CCDC39: variants seen among roughly 807,000 people sequenced by gnomAD.
CCDC39 encodes the protein coiled-coil domain 39 molecular ruler complex subunit, also known as coiled-coil domain-containing protein 39.
CCDC39 carries 113 observed loss-of-function variants against 121.0 expected under a neutral mutation model. The observed-to-expected ratio is 0.93, with a 90% CI of 0.80 to 1.09. The LOEUF is 1.09. Among genes scored for constraint, CCDC39 ranks in the 50% least tolerant of loss-of-function variants. The pLI is 0.00. For missense variants in CCDC39, 1,063 were observed against 1,074.7 expected, an observed-to-expected ratio of 0.99 and a Z score of 0.15; for synonymous variants, 349 against 352.2, an observed-to-expected ratio of 0.99 and a Z score of 0.10.
intron 14 of CCDC39, 131 bp downstream of exon 14, chr3:180,631,338 A>G: frequency 1.2e-6 from 1 of 828,740 alleles, no homozygotes; most frequent in Non-Finnish European, 1.9e-6. Flanking sequence ...TAATTAAGTG[A>G]AATAGTTGCT....
chr3:180,678,748 C>G (rs2108438547), intron 1 of CCDC39, among the ~76,000 whole-genome samples: 1 of 152,148 alleles, frequency 6.6e-6, no homozygotes, highest in South Asian at 2.1e-4. Context: ...TGTGACAACT[C>G]AATCTTCTCT....
chr3:180,616,207 A>C, intron 19 of CCDC39, 74 bp downstream of exon 19: 4 of 1,252,358 alleles, frequency 3.2e-6, no homozygotes, highest in Non-Finnish European at 4.7e-6. Flanking sequence ...AGCTGCGGTG[A>C]TGTAGAAGTG....
At chr3:180,676,206 C>A (rs553580438) in intron 1 of CCDC39, among the ~76,000 whole-genome samples, 1 of 152,144 alleles carries the variant, frequency 6.6e-6, no homozygotes, top group Admixed American at 6.5e-5. Flanking sequence ...AATGAACAGG[C>A]AAACTACAGA....
Position 180,616,981 on chromosome 3 carries a change from T to C in CCDC39, c.2266-15A>G. On this transcript the variant is annotated splice_polypyrimidine_tract_variant and intron_variant, in intron 16 of 19. Transcript: ENST00000476379. Reference sequence around the variant, plus strand: ...TTTTCCATGCTCTGTAGAAAAAATATTAACATGTATTTTTTAGAATCAGAA... The same window carrying C: ...TTTTCCATGCTCTGTAGAAAAAATACTAACATGTATTTTTTAGAATCAGAA... 8.2e-7 allele frequency: 1 copy of C among 1,221,558 alleles called. No homozygotes were observed. 75.7% of individuals were successfully genotyped at this position (1,221,558 alleles called of 1,614,324 possible). A position where few individuals can be genotyped will look rare whatever the true frequency, so the allele number is the denominator to read the frequency against.
At chr3:180,631,945 G>A (rs998736844) in intron 13 of CCDC39, among the ~76,000 whole-genome samples, 2 of 152,122 alleles carry the variant, frequency 1.3e-5, no homozygotes, top group African/African-American at 2.4e-5. Flanking sequence ...CAGAGACAAC[G>A]GACTTTATTT....
At chr3:180,659,238 T>C (rs1711676187) in intron 6 of CCDC39, among the ~76,000 whole-genome samples, 1 of 152,216 alleles carries the variant, frequency 6.6e-6, no homozygotes, top group African/African-American at 2.4e-5. Flanking sequence ...GATGACAGGA[T>C]CCAGTGTTTG....
chr3:180,664,967 C>G (rs1304961971), intron 1 of CCDC39, among the ~76,000 whole-genome samples: 1 of 151,924 alleles, frequency 6.6e-6, no homozygotes, highest in Non-Finnish European at 1.5e-5. Context: ...CTCAGCCTCC[C>G]AATGTGCTGG....
intron 18 of CCDC39, 52 bp downstream of exon 18, chr3:180,616,462 GTT>G: frequency 8.0e-6 from 12 of 1,497,342 alleles, no homozygotes; most frequent in Non-Finnish European, 9.8e-6. Flanking sequence ...TGTCATGAAA[GTT>G]TTTATTTTCA....
chr3:180,656,019 C>T (rs964989246), intron 6 of CCDC39, among the ~76,000 whole-genome samples: 2 of 152,068 alleles, frequency 1.3e-5, no homozygotes, highest in African/African-American at 4.8e-5. Context: ...AGAAATGCTG[C>T]ATGTATACAT....
Position 180,617,117 on chromosome 3 carries a change from T to C in CCDC39, c.2266-151A>G, listed in dbSNP as rs1576930287. On this transcript the variant is annotated intron_variant, in intron 16 of 19. Transcript: ENST00000476379. ...GATGTACCTCTTAATGACATCTCGG[T>C]CAATGATGGACTGTATATATGATGG... 2.6e-5 allele frequency among the ~76,000 whole-genome samples: 4 copies of C among 152,290 alleles called. No homozygotes were observed. In the South Asian group the frequency reaches 8.3e-4, roughly 32 times the overall value.
At position 180,615,086 on chromosome 3, in the gene CCDC39, A is replaced by C; in HGVS notation, c.2670-9T>G. On this transcript the variant is annotated splice_polypyrimidine_tract_variant and intron_variant, in intron 19 of 19. Coordinates refer to ENST00000476379, the MANE Select transcript of CCDC39 (RefSeq NM_181426.2). ...TTGTACTCCTAGATGACCTAGAAGA[A>C]AAACCAGAATTATAAATTCAATGCA... 6.6e-7 allele frequency: 1 copy of C among 1,515,430 alleles called. No individual in the cohort carries two copies. Among genetic ancestry groups the C allele is most frequent in the Non-Finnish European group, 8.8e-7 (1 of 1,135,730 alleles). 93.9% of individuals were successfully genotyped at this position (1,515,430 alleles called of 1,614,324 possible).
chr3:180,663,534 G>T (rs750551278), intron 2 of CCDC39, among the ~76,000 whole-genome samples: 11 of 151,948 alleles, frequency 7.2e-5, no homozygotes, highest in Non-Finnish European at 1.5e-4. Flanking sequence ...TTAGCTGGGG[G>T]TGGTGGGTGC....
chr3:180,662,740 G>T (rs1400947872), intron 2 of CCDC39, among the ~76,000 whole-genome samples: 1 of 152,130 alleles, frequency 6.6e-6, no homozygotes, highest in Non-Finnish European at 1.5e-5. Flanking sequence ...CAATCACATT[G>T]AGATTCAAGA....
At chr3:180,651,283 T>G (rs1718201851) in intron 9 of CCDC39, 118 bp downstream of exon 9, 1 of 765,418 alleles carries the variant, frequency 1.3e-6, no homozygotes, top group Admixed American at 2.9e-5. Context: ...ATAAATGTGA[T>G]CATACCAAAA....
At chr3:180,620,942 C>T (rs1322076369) in intron 14 of CCDC39, among the ~76,000 whole-genome samples, 1 of 151,992 alleles carries the variant, frequency 6.6e-6, no homozygotes. Flanking sequence ...CTGAGTCTTC[C>T]GTGTCTATCA....
intron 14 of CCDC39, among the ~76,000 whole-genome samples, chr3:180,626,398 G>A (rs1331592526): frequency 1.3e-5 from 2 of 152,080 alleles, no homozygotes; most frequent in Admixed American, 6.5e-5. Flanking sequence ...GTGGTTCCCA[G>A]GACACTGGCA....
chr3:180,640,117 G>T (rs531283747), intron 13 of CCDC39, among the ~76,000 whole-genome samples: 1 of 152,032 alleles, frequency 6.6e-6, no homozygotes, highest in East Asian at 1.9e-4. Flanking sequence ...ACTTGTGGGG[G>T]TGATGGATAC....
chr3:180,658,971 C>A lies in CCDC39; in HGVS notation c.738+481G>T, dbSNP rs73051782. On this transcript the variant is annotated intron_variant, in intron 6 of 19. Transcript: ENST00000476379. The stretch of plus-strand genomic sequence containing the variant: ...TAACACTTGGTCTGTGTTATCAGTG[C>A]AGTATTCCCCGCTTCCAAGCCTCTT... Among the ~76,000 whole-genome samples the A allele has an allele frequency of 2.0e-3, 297 of 152,298 alleles. 1 individual carries two copies. The highest frequency in any genetic ancestry group is 6.8e-3 in the African/African-American group (284 of 41,568).
At position 180,644,131 on chromosome 3, in the gene CCDC39, C is replaced by T. The variant is rs1718019201; in HGVS notation, c.1654G>A (p.Gly552Ser). 1.3e-6 allele frequency: 2 copies of T among 1,543,822 alleles called. No individual in the cohort carries two copies. Among genetic ancestry groups the T allele is most frequent in the African/African-American group, 1.4e-5 (1 of 72,884 alleles). ...RSEKELDKAK[G>S]FKQDLMIEDN... is the part of the protein sequence containing the mutation. ...CAATTTTACTGCACCTGCTTAAAAC[C>T]TTTGGCTTTATCAAGTTCTTTCTCT... The change falls in exon 12 of 20, where the codon GGT (glycine) becomes AGT (serine). Residue 552 changes from glycine (G) to serine (S), a missense_variant. Gly to Ser is a moderately conservative substitution (Grantham distance 56, BLOSUM62 0). Transcript: ENST00000476379.
Sources: gnomAD v4.1 joint callset for allele counts (sites outside exome capture counted in the v4.1 genomes callset) on GRCh38, gnomAD v4.1.1 for gene constraint, MANE v1.5 for transcripts, NCBI Gene and HGNC (gene_info 2026-07-23, HGNC 2026-07-21) for gene names.